SLC4A7: variants seen among roughly 807,000 people sequenced by gnomAD.
SLC4A7 encodes sodium bicarbonate cotransporter 3.
In SLC4A7, 51 loss-of-function variants were observed where a neutral mutation model predicts 137.6. The ratio of observed to expected loss-of-function variants is 0.37; its 90% confidence interval spans 0.30 to 0.47. The LOEUF (loss-of-function observed/expected upper bound fraction) is 0.47, where lower values mean the gene tolerates loss of function less well. SLC4A7 is among the 20% of genes least tolerant of loss of function. The pLI, the probability that SLC4A7 is intolerant of heterozygous loss-of-function variation, is 1.00. For missense variants in SLC4A7, 1,247 were observed against 1,525.4 expected (o/e 0.82, Z 3.04); for synonymous variants, 542 against 518.6 (o/e 1.05, Z -0.61).
chr3:27,425,338 C>G (rs981736767), intron 7 of SLC4A7, among the ~76,000 whole-genome samples: 2 of 133,654 alleles, frequency 1.5e-5, no homozygotes, highest in Non-Finnish European at 3.1e-5. Flanking sequence ...CCATTGCACT[C>G]CAGCCTGGGC....
intron 5 of SLC4A7, among the ~76,000 whole-genome samples, chr3:27,434,930 T>C (rs2056617053): frequency 6.6e-6 from 1 of 152,132 alleles, no homozygotes; most frequent in African/African-American, 2.4e-5. Context: ...TTATACAACA[T>C]ATACTAAAAG....
intron 7 of SLC4A7, among the ~76,000 whole-genome samples, chr3:27,430,924 T>C (rs9878257): frequency 0.92 from 140,847 of 152,300 alleles, 65,257 homozygotes; most frequent in East Asian, 1. Context: ...TGTTCAAATG[T>C]CTTGACCTTT....
At chr3:27,417,848 C>A (rs2054543690) in intron 11 of SLC4A7, among the ~76,000 whole-genome samples, 1 of 152,162 alleles carries the variant, frequency 6.6e-6, no homozygotes, top group Non-Finnish European at 1.5e-5. Flanking sequence ...TGGCAACACA[C>A]ACTGTCGGTG....
intron 21 of SLC4A7, 96 bp downstream of exon 21, chr3:27,391,644 A>AG: frequency 1.4e-6 from 1 of 721,640 alleles, no homozygotes; most frequent in Non-Finnish European, 2.4e-6. Context: ...TCAAAATGTC[A>AG]GAGTTGAGAA....
chr3:27,463,332 G>T (rs2058798638), intron 1 of SLC4A7, among the ~76,000 whole-genome samples: 1 of 152,050 alleles, frequency 6.6e-6, no homozygotes, highest in Admixed American at 6.6e-5. Flanking sequence ...CAGGAAGCTG[G>T]GGCAAGAGAA....
chr3:27,462,225 A>G (rs1297573966), intron 1 of SLC4A7, among the ~76,000 whole-genome samples: 1 of 152,226 alleles, frequency 6.6e-6, no homozygotes, highest in Non-Finnish European at 1.5e-5. Context: ...AACTTTGGAG[A>G]GTAAACTAGC....
At chr3:27,478,842 A>G (rs2150749168) in intron 1 of SLC4A7, among the ~76,000 whole-genome samples, 1 of 150,638 alleles carries the variant, frequency 6.6e-6, no homozygotes, top group African/African-American at 2.4e-5. Context: ...ACAAAAAAAA[A>G]AAAAAAAAGA....
At chr3:27,471,422 G>A (rs538018510) in intron 1 of SLC4A7, among the ~76,000 whole-genome samples, 40 of 152,278 alleles carry the variant, frequency 2.6e-4, no homozygotes, top group African/African-American at 8.9e-4. Flanking sequence ...ATTTTTTTGA[G>A]ACGGAGTTTC....
At position 27,374,555 on chromosome 3, in the gene SLC4A7, T is replaced by C. The variant is rs1436817516; in HGVS notation, c.*2209A>G. 1 of 152,354 alleles carries C rather than the reference T, an allele frequency of 6.6e-6. No individual in the cohort carries two copies. The highest frequency in any genetic ancestry group is 1.5e-5 in the Non-Finnish European group (1 of 67,906). 9.4% of individuals were successfully genotyped at this position (152,354 alleles called of 1,614,324 possible). A position where few individuals can be genotyped will look rare whatever the true frequency, so the allele number is the denominator to read the frequency against. Reference sequence around the variant, plus strand: ...GAGTTACCTTTGCTCTTAAATGGAGTAGTCAGATCATTTTGTCAGTCAAGT... The same window carrying C: ...GAGTTACCTTTGCTCTTAAATGGAGCAGTCAGATCATTTTGTCAGTCAAGT... On this transcript the variant is annotated 3_prime_UTR_variant, in exon 26 of 26. Transcript: ENST00000454389.
intron 11 of SLC4A7, among the ~76,000 whole-genome samples, chr3:27,416,467 T>C (rs995968853): frequency 2.0e-5 from 3 of 152,206 alleles, no homozygotes; most frequent in African/African-American, 7.2e-5. Context: ...ATATATCTTA[T>C]GGTAATAAAT....
chr3:27,427,825 T>G (rs549896358), intron 7 of SLC4A7, among the ~76,000 whole-genome samples: 2 of 152,186 alleles, frequency 1.3e-5, no homozygotes, highest in Non-Finnish European at 2.9e-5. Context: ...TCCACTCTAA[T>G]TTCTTCTGTT....
intron 10 of SLC4A7, 107 bp downstream of exon 10, chr3:27,420,593 A>G (rs2054867581): frequency 3.1e-6 from 2 of 639,328 alleles, no homozygotes; most frequent in Non-Finnish European, 5.0e-6. Context: ...ACAGCAAGGA[A>G]AAGTTTTAGA....
chr3:27,463,054 G>A (rs1313045165), intron 1 of SLC4A7, among the ~76,000 whole-genome samples: 2 of 151,522 alleles, frequency 1.3e-5, no homozygotes, highest in Non-Finnish European at 2.9e-5. Flanking sequence ...TTTGTGAGGC[G>A]GGGGCAGAGG....
At chr3:27,465,655 AG>A (rs1308091421) in intron 1 of SLC4A7, among the ~76,000 whole-genome samples, 1 of 152,108 alleles carries the variant, frequency 6.6e-6, no homozygotes, top group East Asian at 1.9e-4. Flanking sequence ...ATTTTAAATT[AG>A]GTAGAAAACT....
rs1028817265 is a variant in SLC4A7, at chr3:27,375,373, C to T, written c.*1391G>A. Reference sequence around the variant, plus strand: ...TTCTCTTGTCAAATCAGTTTCACAACCCCATTCATCCAGTCCTACAGGCTT... The same window carrying T: ...TTCTCTTGTCAAATCAGTTTCACAATCCCATTCATCCAGTCCTACAGGCTT... On this transcript the variant is annotated 3_prime_UTR_variant, in exon 26 of 26. Coordinates refer to ENST00000454389, the MANE Select transcript of SLC4A7 (RefSeq NM_001321103.2). 1.3e-5 allele frequency: 2 copies of T among 152,222 alleles called. No individual in the cohort carries two copies. Among genetic ancestry groups the T allele is most frequent in the African/African-American group, 2.4e-5 (1 of 41,442 alleles). 9.4% of individuals were successfully genotyped at this position (152,222 alleles called of 1,614,324 possible).
rs192491917 is a variant in SLC4A7, at chr3:27,420,015, C to T, written c.1512+685G>A. On this transcript the variant is annotated intron_variant, in intron 10 of 25. Coordinates refer to ENST00000454389, the MANE Select transcript of SLC4A7 (RefSeq NM_001321103.2). ...CATCCTGGCCAACACGGTGAAACCC[C>T]GTCTCTACTAAAAATACAGAAAAAT... is the stretch of plus-strand genomic sequence containing the variant. Among the ~76,000 whole-genome samples, 23 of 151,920 alleles carry T rather than the reference C, an allele frequency of 1.5e-4. No individual in the cohort carries two copies. The South Asian group carries it at 2.3e-3, about 15-fold the overall frequency.
Position 27,408,526 on chromosome 3 carries a change from C to T in SLC4A7, c.1941+830G>A, listed in dbSNP as rs150338933. ...GTTTAGATCATGAAATATTTTAATTCGATAATTATCATGCCTTAGCTTTGG... is the reference window on the plus strand; with the variant it reads ...GTTTAGATCATGAAATATTTTAATTTGATAATTATCATGCCTTAGCTTTGG... On this transcript the variant is annotated intron_variant, in intron 13 of 25. Coordinates refer to ENST00000454389, the MANE Select transcript of SLC4A7 (RefSeq NM_001321103.2). Among the ~76,000 whole-genome samples, 435 of 152,126 alleles carry T rather than the reference C, an allele frequency of 2.9e-3. 2 individuals carry two copies. Among genetic ancestry groups the T allele is most frequent in the African/African-American group, 8.6e-3 (355 of 41,498 alleles).
intron 1 of SLC4A7, among the ~76,000 whole-genome samples, chr3:27,478,887 C>A (rs2059589878): frequency 6.6e-6 from 1 of 150,402 alleles, no homozygotes; most frequent in East Asian, 2.0e-4. Flanking sequence ...CCCCTGTAAT[C>A]CCAGCTACTG....
intron 16 of SLC4A7, 144 bp from the exon 17 acceptor site, chr3:27,398,497 A>G (rs770955126): frequency 3.3e-6 from 2 of 614,050 alleles, no homozygotes; most frequent in Non-Finnish European, 5.4e-6. Flanking sequence ...AACATTGTCC[A>G]GCCAACTATA....
Sources: allele counts gnomAD v4.1 joint callset (sites outside exome capture counted in the v4.1 genomes callset), GRCh38; gene constraint gnomAD v4.1.1; transcripts MANE v1.5; gene names NCBI Gene and HGNC (gene_info 2026-07-23, HGNC 2026-07-21).